VPS13B: variants seen among roughly 807,000 people sequenced by gnomAD.
VPS13B encodes the protein intermembrane lipid transfer protein VPS13B.
In VPS13B, 285 loss-of-function variants were observed where a neutral mutation model predicts 426.4. The ratio of observed to expected loss-of-function variants is 0.67; its 90% confidence interval spans 0.61 to 0.74. The LOEUF (loss-of-function observed/expected upper bound fraction) is 0.74, where lower values mean the gene tolerates loss of function less well. Ranked by LOEUF, VPS13B falls within the 30% of genes least tolerant of loss-of-function variation. The probability of loss-of-function intolerance (pLI) is 0.00; values close to 1 mark genes in which losing one functional copy is unlikely to be tolerated. For missense variants in VPS13B, 4,537 were observed against 4,782.6 expected, an observed-to-expected ratio of 0.95 and a Z score of 1.51; for synonymous variants, 1,676 against 1,676.4, an observed-to-expected ratio of 1.00 and a Z score of 0.01.
intron 23 of VPS13B, among the ~76,000 whole-genome samples, chr8:99,449,368 A>G (rs1249888789): frequency 6.6e-6 from 1 of 152,190 alleles, no homozygotes; most frequent in Non-Finnish European, 1.5e-5. Context: ...AGTTTGGTCC[A>G]TATGGTGAAG....
chr8:99,511,037 T>A, intron 28 of VPS13B, 67 bp from the exon 29 acceptor site: 1 of 1,573,654 alleles, frequency 6.4e-7, no homozygotes, highest in African/African-American at 1.4e-5. Flanking sequence ...GTCATTTTCT[T>A]CTTTCCAATT....
chr8:99,337,479 A>G (rs1211743322), intron 19 of VPS13B, among the ~76,000 whole-genome samples: 1 of 151,870 alleles, frequency 6.6e-6, no homozygotes, highest in East Asian at 1.9e-4. Context: ...TAACCTGCAC[A>G]TTGTGCACAT....
intron 44 of VPS13B, among the ~76,000 whole-genome samples, chr8:99,816,034 G>A (rs1814014031): frequency 6.6e-6 from 1 of 151,174 alleles, no homozygotes; most frequent in Non-Finnish European, 1.5e-5. Context: ...ATCTTGCCAT[G>A]TTGCCCAGGC....
chr8:99,863,561 G>A (rs1371818393), intron 58 of VPS13B, among the ~76,000 whole-genome samples: 4 of 152,048 alleles, frequency 2.6e-5, no homozygotes, highest in Non-Finnish European at 5.9e-5. Flanking sequence ...CTTCCTGCCC[G>A]AGGGTTCCAG....
chr8:99,097,506 CA>C (rs1563538069), intron 4 of VPS13B, among the ~76,000 whole-genome samples: 1 of 152,062 alleles, frequency 6.6e-6, no homozygotes, highest in East Asian at 1.9e-4. Context: ...AGTACAAAGC[CA>C]AAGGAAGATG....
At chr8:99,106,434 CAA>C (rs71273163) in intron 5 of VPS13B, among the ~76,000 whole-genome samples, 4 of 84,062 alleles carry the variant, frequency 4.8e-5, no homozygotes, top group Non-Finnish European at 6.5e-5. Flanking sequence ...GACTCCACCT[CAA>C]AAAAAAAAAA....
At chr8:99,117,423 C>T (rs570930762) in intron 7 of VPS13B, among the ~76,000 whole-genome samples, 2 of 152,148 alleles carry the variant, frequency 1.3e-5, no homozygotes, top group Admixed American at 6.6e-5. Flanking sequence ...CCATGTTGAC[C>T]CAGCAATTCC....
intron 8 of VPS13B, among the ~76,000 whole-genome samples, chr8:99,123,186 C>CTTTCA: frequency 6.7e-6 from 1 of 150,238 alleles, no homozygotes; most frequent in East Asian, 2.0e-4. Flanking sequence ...ATAGTGAGTG[C>CTTTCA]TTTCACCAGA....
At chr8:99,489,248 T>C (rs899448452) in intron 25 of VPS13B, among the ~76,000 whole-genome samples, 1 of 152,232 alleles carries the variant, frequency 6.6e-6, no homozygotes, top group Non-Finnish European at 1.5e-5. Flanking sequence ...TCTGTATCTC[T>C]GTTTTAGTAC....
intron 51 of VPS13B, among the ~76,000 whole-genome samples, chr8:99,826,602 C>G (rs1814699355): frequency 6.6e-6 from 1 of 152,162 alleles, no homozygotes; most frequent in African/African-American, 2.4e-5. Flanking sequence ...ACTTCCAACA[C>G]TATGTTGAAT....
chr8:99,350,157 A>G (rs1316608949), intron 19 of VPS13B, among the ~76,000 whole-genome samples: 1 of 152,022 alleles, frequency 6.6e-6, no homozygotes, highest in African/African-American at 2.4e-5. Flanking sequence ...TTTCAAACAG[A>G]ATGAAGGGGG....
chr8:99,390,360 C>T (rs1814371263), intron 20 of VPS13B, among the ~76,000 whole-genome samples: 1 of 152,186 alleles, frequency 6.6e-6, no homozygotes, highest in Non-Finnish European at 1.5e-5. Context: ...GCCTCAGCCT[C>T]CCAAGTGCTG....
At chr8:99,495,551 G>A (rs1343556054) in intron 25 of VPS13B, among the ~76,000 whole-genome samples, 3 of 152,116 alleles carry the variant, frequency 2.0e-5, no homozygotes, top group Non-Finnish European at 4.4e-5. Context: ...GCCCTTACAT[G>A]GTGGTTGAGG....
intron 35 of VPS13B, 31 bp from the exon 36 acceptor site, chr8:99,699,493 CA>C (rs1479931215): frequency 1.2e-6 from 2 of 1,608,060 alleles, no homozygotes; most frequent in Non-Finnish European, 1.7e-6. Flanking sequence ...AAGAAAGCTT[CA>C]ATAATTGTTT....
chr8:99,334,565 C>G (rs200251385), intron 19 of VPS13B, among the ~76,000 whole-genome samples: 28 of 151,924 alleles, frequency 1.8e-4, no homozygotes, highest in Admixed American at 6.6e-4. Context: ...TAGCGTGAAG[C>G]GTTGTTGAAT....
At chr8:99,045,922 A>G (rs1284955971) in intron 3 of VPS13B, among the ~76,000 whole-genome samples, 1 of 152,196 alleles carries the variant, frequency 6.6e-6, no homozygotes, top group Non-Finnish European at 1.5e-5. Context: ...TTTTTATACC[A>G]GTACCATGCT....
In VPS13B at chr8:99,817,823, C is replaced by G. The variant is rs989188540; in HGVS notation, c.8361+20C>G. The G allele has an allele frequency of 1.3e-5, 21 of 1,613,978 alleles. No individual in the cohort carries two copies. The highest frequency in any genetic ancestry group is 3.3e-4 in the Middle Eastern group (2 of 6,058). ...ATTCAGGTTTGAAAAGACGTTCAAT[C>G]TAGAATAGAGCAGCTTTACCATTGA... On this transcript the variant is annotated intron_variant, in intron 45 of 61. Transcript: ENST00000357162.
Position 99,875,893 on chromosome 8 carries a change from C to T in VPS13B, c.*227C>T. On this transcript the variant is annotated 3_prime_UTR_variant, in exon 62 of 62. Coordinates refer to ENST00000357162, the MANE Select transcript of VPS13B (RefSeq NM_152564.5). ...TAAAAAGCCTAGGCAGCTCTAACAT[C>T]ATCTGATATGGACACAAGGCCAACA... The T allele has an allele frequency of 5.2e-6, 3 of 578,188 alleles. No homozygotes were observed. The highest frequency in any genetic ancestry group is 9.2e-6 in the Non-Finnish European group (3 of 326,510). The allele number at this position is 578,188 out of a possible 1,614,324, so 35.8% of individuals were successfully genotyped here. A position where few individuals can be genotyped will look rare whatever the true frequency, so the allele number is the denominator to read the frequency against.
At chr8:99,574,040 G>A (rs181150684) in intron 31 of VPS13B, among the ~76,000 whole-genome samples, 1 of 151,952 alleles carries the variant, frequency 6.6e-6, no homozygotes, top group Admixed American at 6.6e-5. Context: ...GTATTCCTAG[G>A]TATTTTTTTC....
Sources: gnomAD v4.1 joint callset for allele counts (sites outside exome capture counted in the v4.1 genomes callset) on GRCh38, gnomAD v4.1.1 for gene constraint, MANE v1.5 for transcripts, NCBI Gene and HGNC (gene_info 2026-07-23, HGNC 2026-07-21) for gene names.